Variants in DIS3L2 observed in about 807,000 individuals in gnomAD.
DIS3L2 encodes DIS3 like 3'-5' exoribonuclease 2, also known as DIS3-like exonuclease 2.
DIS3L2 carries 34 observed loss-of-function variants against 97.5 expected under a neutral mutation model. The ratio of observed to expected loss-of-function variants is 0.35; its 90% CI spans 0.27 to 0.46. The LOEUF is 0.46. DIS3L2 is among the 20% of genes least tolerant of loss of function. The pLI is 1.00. For synonymous variants in DIS3L2, 435 were observed against 445.2 expected (o/e 0.98, Z 0.29); for missense variants, 1,038 against 1,146.0 (o/e 0.91, Z 1.36).
At position 232,263,325 on chromosome 2, in the gene DIS3L2, C is replaced by T. The variant is rs756176597; in HGVS notation, c.1544C>T (p.Pro515Leu). 6 of 1,614,222 alleles carry T rather than the reference C, an allele frequency of 3.7e-6. No homozygotes were observed. In the South Asian group the frequency reaches 6.6e-5, roughly 18 times the overall value. ...AAAATCCCTGCGAAAGAGCTGCCCC[C>T]CATTTCCCCAGAGCATAGCAGCGAG... ...TEKIPAKELPPISPEHSSEEV... is the reference protein window; with the variant it reads ...TEKIPAKELPLISPEHSSEEV... Residue 515 changes from proline to leucine, a missense_variant, in exon 13 of 21, where the codon CCC (proline) becomes CTC (leucine). Transcript: ENST00000325385.
intron 1 of DIS3L2, among the ~76,000 whole-genome samples, chr2:231,964,258 C>T (rs1692647412): frequency 6.6e-6 from 1 of 152,122 alleles, no homozygotes; most frequent in East Asian, 1.9e-4. Flanking sequence ...AATTGTACAT[C>T]TTGAACTGAT....
chr2:232,063,651 C>T (rs1227011923), intron 5 of DIS3L2, among the ~76,000 whole-genome samples: 7 of 152,088 alleles, frequency 4.6e-5, no homozygotes, highest in Admixed American at 1.3e-4. Context: ...GTCTTTCCTT[C>T]GTCATCTCAC....
chr2:232,143,564 T>C (rs1057457598), intron 8 of DIS3L2, among the ~76,000 whole-genome samples: 1 of 152,148 alleles, frequency 6.6e-6, no homozygotes, highest in African/African-American at 2.4e-5. Flanking sequence ...TATTCAAATG[T>C]GTACTATTGA....
intron 1 of DIS3L2, among the ~76,000 whole-genome samples, chr2:231,971,632 A>G (rs1244202431): frequency 6.6e-6 from 1 of 152,082 alleles, no homozygotes; most frequent in Non-Finnish European, 1.5e-5. Context: ...TATTTTTAGT[A>G]GAGACGGGTT....
intron 9 of DIS3L2, chr2:232,172,670 A>AT (rs766419166): frequency 4.7e-5 from 25 of 533,850 alleles, no homozygotes; most frequent in Admixed American, 2.7e-4. Flanking sequence ...TTGCTAGGTC[A>AT]TATGGTCAGT....
chr2:232,277,265 G>T (rs964185025), intron 13 of DIS3L2, among the ~76,000 whole-genome samples: 2 of 152,222 alleles, frequency 1.3e-5, no homozygotes, highest in Non-Finnish European at 2.9e-5. Context: ...TGAACATCAC[G>T]CCCCAAGTCA....
rs1196083231 is a variant in DIS3L2, at chr2:232,329,917, C to G, written c.1844C>G (p.Thr615Arg). The G allele has an allele frequency of 1.2e-6, 2 of 1,613,074 alleles. No homozygotes were observed. Among genetic ancestry groups the G allele is most frequent in the Admixed American group, 3.3e-5 (2 of 59,954 alleles). ...CTGCGCCGGCACCCCCCGCCCCAAACAAGGATGCTCAGTGACCTGGTGGAA... is the reference window on the plus strand; with the variant it reads ...CTGCGCCGGCACCCCCCGCCCCAAAGAAGGATGCTCAGTGACCTGGTGGAA... ...ALLRRHPPPQ[T>R]RMLSDLVEFC... The change falls in exon 15 of 21, where the codon ACA becomes AGA. Residue 615 changes from threonine (T) to arginine (R), a missense_variant. By Grantham distance (71) the Thr-to-Arg change is moderately conservative. Coordinates refer to ENST00000325385, the MANE Select transcript of DIS3L2 (RefSeq NM_152383.5).
At chr2:232,136,770 T>G (rs1190740556) in intron 8 of DIS3L2, 51 bp downstream of exon 8, 1 of 1,588,132 alleles carries the variant, frequency 6.3e-7, no homozygotes, top group Non-Finnish European at 8.6e-7. Flanking sequence ...GAACTCAGTT[T>G]AGGTGGTCTT....
chr2:232,330,867 G>A (rs536872559), intron 16 of DIS3L2, 91 bp downstream of exon 16: 156 of 1,289,770 alleles, frequency 1.2e-4, no homozygotes, highest in Admixed American at 3.6e-4. Flanking sequence ...GGCCCCCACC[G>A]TTCCTGCCTG....
At chr2:232,261,832 C>T (rs1006992323) in intron 12 of DIS3L2, among the ~76,000 whole-genome samples, 1 of 152,198 alleles carries the variant, frequency 6.6e-6, no homozygotes, top group Non-Finnish European at 1.5e-5. Context: ...CAGTTCCCAG[C>T]TTTGCCAGTC....
At chr2:232,263,486 C>G (rs760280693) in intron 13 of DIS3L2, 46 bp downstream of exon 13, 3 of 1,594,964 alleles carry the variant, frequency 1.9e-6, no homozygotes, top group Admixed American at 3.4e-5. Flanking sequence ...TGACTCGTGC[C>G]TGAACCCAGC....
chr2:232,172,238 A>C (rs961098603), intron 9 of DIS3L2, among the ~76,000 whole-genome samples: 12 of 152,168 alleles, frequency 7.9e-5, no homozygotes, highest in African/African-American at 2.9e-4. Context: ...CATCACCACT[A>C]TCTAATTCCA....
At chr2:232,330,651 G>C in intron 15 of DIS3L2, 39 bp from the exon 16 acceptor site, 2 of 1,606,924 alleles carry the variant, frequency 1.2e-6, no homozygotes, top group Non-Finnish European at 8.5e-7. Context: ...TGCCCGAGCT[G>C]GACCACACGT....
chr2:232,292,124 C>T lies in DIS3L2; in HGVS notation c.1660-7916C>T, dbSNP rs1336611637. Among the ~76,000 whole-genome samples, 3 of 152,154 alleles carry T rather than the reference C, an allele frequency of 2.0e-5. No individual in the cohort carries two copies. The highest frequency in any genetic ancestry group is 2.9e-5 in the Non-Finnish European group (2 of 68,034). On this transcript the variant is annotated intron_variant, in intron 13 of 20. Transcript: ENST00000325385. This position sits in a 1 kb window ranked among gnomAD's most constrained non-coding sequence, Gnocchi z 4.4. ...CACACTTTCCTGTCTTGTCTCGTCA[C>T]GCTTCTGGTTATTCTTATGAATGTA...
At position 232,037,109 on chromosome 2, in the gene DIS3L2, G is replaced by A. The variant is rs1338064843; in HGVS notation, c.366+7029G>A. 6.6e-6 allele frequency among the ~76,000 whole-genome samples: 1 copy of A among 152,236 alleles called. No homozygotes were observed. Among genetic ancestry groups the A allele is most frequent in the Non-Finnish European group, 1.5e-5 (1 of 68,030 alleles). On this transcript the variant is annotated intron_variant, in intron 5 of 20. Transcript: ENST00000325385. This position sits in a 1 kb window ranked among gnomAD's most constrained non-coding sequence, Gnocchi z 4.6. Reference sequence around the variant, plus strand: ...CTCTTCAGAGCTGGCAGGCAGGAATGTTTAAGTCTGCTGAAGCTGCACCCA... The same window carrying A: ...CTCTTCAGAGCTGGCAGGCAGGAATATTTAAGTCTGCTGAAGCTGCACCCA...
At chr2:232,175,053 T>G (rs770416476) in intron 9 of DIS3L2, among the ~76,000 whole-genome samples, 2 of 152,092 alleles carry the variant, frequency 1.3e-5, no homozygotes, top group Non-Finnish European at 2.9e-5. Context: ...GCTCTTGAAC[T>G]CTTAGGCTCA....
At chr2:232,015,262 C>T (rs1317622129) in intron 2 of DIS3L2, among the ~76,000 whole-genome samples, 1 of 152,174 alleles carries the variant, frequency 6.6e-6, no homozygotes, top group East Asian at 1.9e-4. Context: ...GCAAAGAATA[C>T]TGAACTCATT....
intron 16 of DIS3L2, 37 bp downstream of exon 16, chr2:232,330,813 G>A (rs757322679): frequency 6.3e-6 from 10 of 1,591,166 alleles, no homozygotes; most frequent in Admixed American, 1.7e-5. Context: ...CCTGCTCCCA[G>A]GAGCACACTA....
At chr2:231,969,309 CTTTTTT>C (rs149580697) in intron 1 of DIS3L2, among the ~76,000 whole-genome samples, 1 of 137,082 alleles carries the variant, frequency 7.3e-6, no homozygotes, top group African/African-American at 2.7e-5. Flanking sequence ...AGTCCTAGAC[CTTTTTT>C]TTTTTTTTTT....
Sources: gnomAD v4.1 joint callset for allele counts (sites outside exome capture counted in the v4.1 genomes callset) on GRCh38, gnomAD v4.1.1 for gene constraint, Gnocchi (gnomAD v3.1) non-coding constraint, MANE v1.5 for transcripts, NCBI Gene and HGNC (gene_info 2026-07-23, HGNC 2026-07-21) for gene names.